Variants in KCNK2 observed in about 807,000 individuals in gnomAD.
KCNK2 encodes the protein potassium two pore domain channel subfamily K member 2, also known as potassium channel subfamily K member 2.
KCNK2 carries 21 observed loss-of-function variants against 40.5 expected under a neutral mutation model. The ratio of observed to expected loss-of-function variants is 0.52; its 90% CI spans 0.37 to 0.75. KCNK2 has a LOEUF of 0.75. Among genes scored for constraint, KCNK2 ranks in the 30% least tolerant of loss-of-function variants. The probability of loss-of-function intolerance (pLI) is 0.00; values close to 1 mark genes in which losing one functional copy is unlikely to be tolerated. For synonymous variants in KCNK2, 191 were observed against 202.2 expected, an observed-to-expected ratio of 0.94 and a Z score of 0.47; for missense variants, 399 against 531.6, an observed-to-expected ratio of 0.75 and a Z score of 2.45.
chr1:215,199,996 C>T (rs964412589), intron 6 of KCNK2, among the ~76,000 whole-genome samples: 7 of 152,182 alleles, frequency 4.6e-5, no homozygotes, highest in Non-Finnish European at 5.9e-5. Context: ...AACACCACTG[C>T]GGCCCACACC....
intron 3 of KCNK2, among the ~76,000 whole-genome samples, chr1:215,149,463 T>C (rs10779645): frequency 0.55 from 83,881 of 152,012 alleles, 25,673 homozygotes; most frequent in Non-Finnish European, 0.68. Flanking sequence ...GAGACAATCT[T>C]CTATGAAAAG....
chr1:215,113,182 G>A (rs1204310072), intron 2 of KCNK2, among the ~76,000 whole-genome samples: 2 of 152,112 alleles, frequency 1.3e-5, no homozygotes, highest in African/African-American at 2.4e-5. Context: ...AATGTTCACC[G>A]ACGTTCAACT....
intron 1 of KCNK2, among the ~76,000 whole-genome samples, chr1:215,059,998 C>T (rs756682983): frequency 1.3e-5 from 2 of 152,180 alleles, no homozygotes; most frequent in African/African-American, 4.8e-5. Context: ...GACGGCACAT[C>T]AGCATGGCCA....
At chr1:215,119,531 A>C (rs1181275062) in intron 2 of KCNK2, among the ~76,000 whole-genome samples, 1 of 152,162 alleles carries the variant, frequency 6.6e-6, no homozygotes, top group Non-Finnish European at 1.5e-5. Context: ...TAATTTTCCT[A>C]GTGTCCATCC....
chr1:215,191,143 G>T (rs1014137832), intron 5 of KCNK2, among the ~76,000 whole-genome samples: 1 of 151,870 alleles, frequency 6.6e-6, no homozygotes, highest in Non-Finnish European at 1.5e-5. Context: ...AAATTCGTCA[G>T]GCGTGGTGGC....
chr1:215,079,236 T>A (rs1659057155), upstream of KCNK2, among the ~76,000 whole-genome samples: 1 of 152,214 alleles, frequency 6.6e-6, no homozygotes, highest in African/African-American at 2.4e-5. Flanking sequence ...TTATATATAT[T>A]GAGTGAATTA....
At chr1:215,076,886 C>T (rs1032536903) in intron 1 of KCNK2, among the ~76,000 whole-genome samples, 3 of 152,192 alleles carry the variant, frequency 2.0e-5, no homozygotes, top group African/African-American at 7.2e-5. Flanking sequence ...GACATCTCAA[C>T]ACTAACTGGC....
At chr1:215,230,950 ACTCC>A (rs1666636300) in intron 6 of KCNK2, among the ~76,000 whole-genome samples, 1 of 152,148 alleles carries the variant, frequency 6.6e-6, no homozygotes, top group Non-Finnish European at 1.5e-5. Context: ...TAATTTATGG[ACTCC>A]AACAAGTCTG....
At chr1:215,016,285 T>TAGAGGATGTGATG (rs80185209) in intron 1 of KCNK2, among the ~76,000 whole-genome samples, 1 of 151,580 alleles carries the variant, frequency 6.6e-6, no homozygotes. Flanking sequence ...TTAAGAGATA[T>TAGAGGATGTGATG]AGAACACATA....
intron 1 of KCNK2, among the ~76,000 whole-genome samples, chr1:215,008,337 A>T (rs1656259209): frequency 6.6e-6 from 1 of 152,124 alleles, no homozygotes. Context: ...TGACATCAAA[A>T]TTTCTATAGC....
intron 6 of KCNK2, among the ~76,000 whole-genome samples, chr1:215,209,979 AT>A (rs1558141445): frequency 3.1e-3 from 12 of 3,920 alleles, no homozygotes; most frequent in Non-Finnish European, 0.013. Flanking sequence ...TATTATATAT[AT>A]TATATATAAT....
chr1:215,223,241 T>TAAAAAAAAAAA (rs56890763), intron 6 of KCNK2, among the ~76,000 whole-genome samples: 6,172 of 111,424 alleles, frequency 0.055, 231 homozygotes, highest in Non-Finnish European at 0.072. Flanking sequence ...AGCTCTTTTC[T>TAAAAAAAAAAA]AAAAAAAAAA....
At chr1:215,140,718 A>AGTG (rs1156929373) in intron 3 of KCNK2, among the ~76,000 whole-genome samples, 11 of 152,128 alleles carry the variant, frequency 7.2e-5, no homozygotes, top group Admixed American at 6.6e-4. Flanking sequence ...TCAGTGAGTG[A>AGTG]GTGGTGAGTG....
At chr1:215,195,547 T>G (rs1044463188) in intron 6 of KCNK2, among the ~76,000 whole-genome samples, 80 of 152,256 alleles carry the variant, frequency 5.3e-4, no homozygotes, top group African/African-American at 1.9e-3. Flanking sequence ...TATATAAATT[T>G]GTACGTACAC....
At chr1:215,170,099 C>T (rs1663634260) in intron 4 of KCNK2, among the ~76,000 whole-genome samples, 1 of 152,126 alleles carries the variant, frequency 6.6e-6, no homozygotes, top group Admixed American at 6.5e-5. Context: ...TTAACTTTAA[C>T]ATAAGTAGTA....
At chr1:215,195,135 T>A (rs902455640) in intron 6 of KCNK2, 43 bp downstream of exon 6, 17 of 1,357,468 alleles carry the variant, frequency 1.3e-5, no homozygotes, top group Non-Finnish European at 1.7e-5. Flanking sequence ...TTTAGTTAAT[T>A]CAATAAAGGT....
At chr1:215,147,436 T>C (rs1662473589) in intron 3 of KCNK2, among the ~76,000 whole-genome samples, 1 of 152,206 alleles carries the variant, frequency 6.6e-6, no homozygotes, top group African/African-American at 2.4e-5. Flanking sequence ...AAAGATATTG[T>C]CTTGTAATTA....
chr1:215,174,902 G>A (rs1043049353), intron 5 of KCNK2, among the ~76,000 whole-genome samples: 8 of 152,114 alleles, frequency 5.3e-5, no homozygotes, highest in African/African-American at 1.9e-4. Flanking sequence ...ATACAATCAT[G>A]TCATCTGCAA....
chr1:215,069,119 T>G lies in KCNK2; in HGVS notation c.35-17249T>G, dbSNP rs940891563. On this transcript the variant is annotated intron_variant, in intron 1 of 6. Coordinates refer to the KCNK2 transcript ENST00000391895. ...CAGGGAAATCTGAGTATGTCCATTG[T>G]AAAGAAGGTGGCATCCTCACATCTT... is the stretch of plus-strand genomic sequence containing the variant. Among the ~76,000 whole-genome samples the G allele has an allele frequency of 6.5e-4, 99 of 152,198 alleles. 6 individuals carry two copies.
Sources: allele counts gnomAD v4.1 joint callset (sites outside exome capture counted in the v4.1 genomes callset), GRCh38; gene constraint gnomAD v4.1.1; transcripts MANE v1.5; gene names NCBI Gene and HGNC (gene_info 2026-07-23, HGNC 2026-07-21).